Variants in SLC17A3 observed in about 807,000 individuals in gnomAD.
SLC17A3 encodes sodium-dependent phosphate transport protein 4.
SLC17A3 carries 61 observed loss-of-function variants against 60.3 expected under a neutral mutation model. The ratio of observed to expected loss-of-function variants is 1.01; its 90% confidence interval spans 0.82 to 1.25. SLC17A3 has a LOEUF of 1.25. SLC17A3 is among the 50% of genes most tolerant of loss of function. SLC17A3 has a pLI of 0.00. For synonymous variants in SLC17A3, 192 were observed against 208.9 expected, an observed-to-expected ratio of 0.92 and a Z score of 0.70; for missense variants, 624 against 594.9, an observed-to-expected ratio of 1.05 and a Z score of -0.51.
intron 5 of SLC17A3, among the ~76,000 whole-genome samples, chr6:25,860,210 G>A (rs1290620983): frequency 6.6e-6 from 1 of 152,092 alleles, no homozygotes; most frequent in Non-Finnish European, 1.5e-5. Flanking sequence ...AGTTCTGTTT[G>A]GTCTGCTCAG....
At chr6:25,846,029 G>A (rs569153981) in intron 11 of SLC17A3, among the ~76,000 whole-genome samples, 46 of 152,298 alleles carry the variant, frequency 3.0e-4, no homozygotes, top group Middle Eastern at 3.4e-3. Flanking sequence ...TACAGCATAT[G>A]AAATACCTAT....
At chr6:25,863,140 T>G (rs1765478849) in intron 2 of SLC17A3, among the ~76,000 whole-genome samples, 1 of 152,046 alleles carries the variant, frequency 6.6e-6, no homozygotes, top group African/African-American at 2.4e-5. Flanking sequence ...AGAAATCTCA[T>G]TCTCCGTTTT....
chr6:25,863,027 C>G (rs1463379097), intron 2 of SLC17A3, among the ~76,000 whole-genome samples: 1 of 151,664 alleles, frequency 6.6e-6, no homozygotes, highest in Non-Finnish European at 1.5e-5. Context: ...TGGTATAGGT[C>G]ATTTATATTT....
chr6:25,856,409 A>G (rs1023022149), intron 5 of SLC17A3, among the ~76,000 whole-genome samples: 4 of 152,170 alleles, frequency 2.6e-5, no homozygotes, highest in Non-Finnish European at 5.9e-5. Flanking sequence ...CTAACTTAAA[A>G]AAATTCTTTA....
chr6:25,871,566 A>C (rs1211394696), intron 1 of SLC17A3, among the ~76,000 whole-genome samples: 1 of 152,026 alleles, frequency 6.6e-6, no homozygotes, highest in East Asian at 1.9e-4. Context: ...GCAGCACACC[A>C]ACATGGCACA....
rs773532687 is a variant in SLC17A3, at chr6:25,855,174, G to A, written c.682C>T (p.Leu228Phe). The change falls in exon 6 of 13, where the codon CTT becomes TTT. Residue 228 changes from leucine (L) to phenylalanine (F), a missense_variant. By Grantham distance (22) the Leu-to-Phe change is conservative (BLOSUM62 0). Transcript: ENST00000397060. ...ILIGGFISET[L>F]GWPFVFYIFG... Reference sequence around the variant, plus strand: ...ATATAGAAGACAAAGGGCCACCCAAGGGTTTCACTAATGAAGCCACCTATG... The same window carrying A: ...ATATAGAAGACAAAGGGCCACCCAAAGGTTTCACTAATGAAGCCACCTATG... 2 of 1,613,458 alleles carry A rather than the reference G, an allele frequency of 1.2e-6. No individual in the cohort carries two copies. The highest frequency in any genetic ancestry group is 1.7e-5 in the Admixed American group (1 of 59,982).
chr6:25,849,424 T>C lies in SLC17A3; in HGVS notation c.1312A>G (p.Ser438Gly). The change falls in exon 11 of 13, where the codon AGC (serine) becomes GGC (glycine). Residue 438 changes from serine (S) to glycine (G), a missense_variant. Transcript: ENST00000397060. ...FLMGASRGFS[S>G]IAPVIVPTVS... ...GTGGGTACAATGACAGGTGCTATGC[T>C]CGAAAATCCTCTTGATGCTCCCATG... The C allele has an allele frequency of 1.2e-6, 2 of 1,613,094 alleles. No homozygotes were observed. The highest frequency in any genetic ancestry group is 1.7e-6 in the Non-Finnish European group (2 of 1,179,062).
At chr6:25,867,877 TA>T (rs1425662542) in intron 2 of SLC17A3, among the ~76,000 whole-genome samples, 1 of 151,908 alleles carries the variant, frequency 6.6e-6, no homozygotes, top group East Asian at 1.9e-4. Flanking sequence ...GCATACAAAA[TA>T]AAGGCAATAA....
At chr6:25,848,088 A>C (rs1029357495) in intron 11 of SLC17A3, among the ~76,000 whole-genome samples, 7 of 152,106 alleles carry the variant, frequency 4.6e-5, no homozygotes, top group Non-Finnish European at 7.4e-5. Flanking sequence ...ATTCCTTTTT[A>C]TGGCTGAGTG....
At chr6:25,854,068 T>C (rs959713438) in intron 6 of SLC17A3, among the ~76,000 whole-genome samples, 1 of 152,188 alleles carries the variant, frequency 6.6e-6, no homozygotes, top group Non-Finnish European at 1.5e-5. Context: ...AAGAACATAT[T>C]TTCTATTATT....
intron 2 of SLC17A3, among the ~76,000 whole-genome samples, chr6:25,863,463 G>T (rs1047749988): frequency 1.3e-5 from 2 of 152,054 alleles, no homozygotes; most frequent in African/African-American, 4.8e-5. Context: ...AGGACTTCAG[G>T]CAGAGCAGCT....
chr6:25,864,390 A>G (rs1233909977), intron 2 of SLC17A3, among the ~76,000 whole-genome samples: 1 of 152,030 alleles, frequency 6.6e-6, no homozygotes, highest in Non-Finnish European at 1.5e-5. Context: ...AACGATAGGG[A>G]GGAAGTACAG....
chr6:25,855,956 C>T (rs1275989092), intron 5 of SLC17A3, among the ~76,000 whole-genome samples: 1 of 152,150 alleles, frequency 6.6e-6, no homozygotes. Context: ...TTTTATTCAA[C>T]AATTAGTCTT....
intron 5 of SLC17A3, among the ~76,000 whole-genome samples, chr6:25,858,649 G>A (rs1010500937): frequency 3.9e-5 from 6 of 152,098 alleles, no homozygotes; most frequent in Non-Finnish European, 8.8e-5. Flanking sequence ...GTCTTGTCCA[G>A]GACCAGGGCT....
intron 2 of SLC17A3, among the ~76,000 whole-genome samples, chr6:25,864,774 G>A (rs974786105): frequency 6.6e-6 from 1 of 151,962 alleles, no homozygotes; most frequent in African/African-American, 2.4e-5. Flanking sequence ...TAGGAGTTGA[G>A]GCATAACATT....
Position 25,868,313 on chromosome 6 carries a change from T to C in SLC17A3, c.75A>G (p.Thr25=), listed in dbSNP as rs770610922. 6.2e-7 allele frequency: 1 copy of C among 1,611,712 alleles called. No homozygotes were observed. The change falls in exon 2 of 13, where the codon ACA becomes ACG. Residue 25 remains threonine (T), a synonymous_variant. Transcript: ENST00000397060. The part of the protein sequence containing the change: ...KNAQDMQVDE[T]LIPRKVPSLC... ...CAAATTTACCTTTCCTGGGGATCAG[T>C]GTCTCATCCACTTGCATATCTTGTG...
intron 5 of SLC17A3, among the ~76,000 whole-genome samples, chr6:25,855,912 G>A (rs1214766578): frequency 2.0e-5 from 3 of 152,050 alleles, no homozygotes; most frequent in Non-Finnish European, 4.4e-5. Context: ...AAGTAAACAG[G>A]ATCATAATGT....
At chr6:25,867,818 T>C (rs1432365134) in intron 2 of SLC17A3, among the ~76,000 whole-genome samples, 4 of 151,886 alleles carry the variant, frequency 2.6e-5, no homozygotes, top group African/African-American at 9.7e-5. Flanking sequence ...TGCTGTCAAG[T>C]TAGAAAATAT....
intron 5 of SLC17A3, among the ~76,000 whole-genome samples, chr6:25,861,321 G>GT (rs543115885): frequency 2.3e-4 from 35 of 152,050 alleles, no homozygotes; most frequent in African/African-American, 8.0e-4. Flanking sequence ...CATGGGTGGA[G>GT]TTTTTTTTAT....
Sources: allele counts gnomAD v4.1 joint callset (sites outside exome capture counted in the v4.1 genomes callset), GRCh38; gene constraint gnomAD v4.1.1; transcripts MANE v1.5; gene names NCBI Gene and HGNC (gene_info 2026-07-23, HGNC 2026-07-21).